Variants in AP2A1 observed in about 807,000 individuals in gnomAD.
AP2A1 encodes the protein AP-2 complex subunit alpha-1.
A neutral mutation model predicts 107.3 loss-of-function variants in AP2A1; 21 were observed. That is an observed-to-expected ratio of 0.20 (90% confidence interval 0.14 to 0.28). The LOEUF is 0.28. Ranked by LOEUF, AP2A1 falls within the 10% of genes least tolerant of loss-of-function variation. The pLI, the probability that AP2A1 is intolerant of heterozygous loss-of-function variation, is 1.00. For synonymous variants in AP2A1, 602 were observed against 564.8 expected (o/e 1.07, Z -0.93); for missense variants, 873 against 1,307.7 (o/e 0.67, Z 5.13).
rs183409025 is a variant in AP2A1 at position 49,801,510 on chromosome 19, C to A, written c.1674C>A (p.Thr558=). 1.1e-4 allele frequency: 174 copies of A among 1,613,770 alleles called. No individual in the cohort carries two copies. The African/African-American group carries it at 1.5e-3, about 14-fold the overall frequency. The change falls in exon 13 of 23, where the codon ACC becomes ACA. Residue 558 remains threonine (T), a synonymous_variant. Transcript: ENST00000354293. ...ACCTCTTCCCCGAGACCAAGGCCACCATCCAGGGCGTCCTGCGGGCCGGCT... is the reference window on the plus strand; with the variant it reads ...ACCTCTTCCCCGAGACCAAGGCCACAATCCAGGGCGTCCTGCGGGCCGGCT... ...FINLFPETKA[T]IQGVLRAGSQ... is the part of the protein sequence containing the mutation.
intron 4 of AP2A1, among the ~76,000 whole-genome samples, chr19:49,786,129 C>T (rs983311535): frequency 6.6e-6 from 1 of 151,814 alleles, no homozygotes; most frequent in Non-Finnish European, 1.5e-5. Context: ...TGCCTGTAAT[C>T]CCAGCTACTC....
chr19:49,796,012 T>C (rs2073209522), intron 7 of AP2A1: 1 of 437,112 alleles, frequency 2.3e-6, no homozygotes, highest in East Asian at 4.1e-5. Context: ...GAGGGACTGT[T>C]AACTGTGCCT....
chr19:49,799,511 G>A lies in AP2A1; in HGVS notation c.1134+16G>A, dbSNP rs1184958605. ...TGCCCTCAAGGTGTGAGCCCTTGGA[G>A]CCCACCCCGGGCCTGCCACCCCCCT... On this transcript the variant is annotated intron_variant, in intron 9 of 22. Transcript: ENST00000354293. 2 of 1,608,584 alleles carry A rather than the reference G, an allele frequency of 1.2e-6. No individual in the cohort carries two copies. Among genetic ancestry groups the A allele is most frequent in the South Asian group, 2.2e-5 (2 of 90,996 alleles).
At chr19:49,767,977 C>CG (rs1039087584) in intron 1 of AP2A1, among the ~76,000 whole-genome samples, 29 of 150,728 alleles carry the variant, frequency 1.9e-4, no homozygotes, top group African/African-American at 6.1e-4. Flanking sequence ...TGACAGGGAA[C>CG]GGGGGGCCAG....
At chr19:49,777,254 A>G (rs1472346402) in intron 1 of AP2A1, among the ~76,000 whole-genome samples, 1 of 151,894 alleles carries the variant, frequency 6.6e-6, no homozygotes, top group Non-Finnish European at 1.5e-5. Flanking sequence ...AGTAAAAATA[A>G]AGCCTATTTA....
chr19:49,801,540 G>A lies in AP2A1; in HGVS notation c.1704G>A (p.Gln568=), dbSNP rs755589972. The A allele has an allele frequency of 1.9e-6, 3 of 1,613,476 alleles. No individual in the cohort carries two copies. Among genetic ancestry groups the A allele is most frequent in the Non-Finnish European group, 2.5e-6 (3 of 1,179,810 alleles). ...AGGGCGTCCTGCGGGCCGGCTCCCA[G>A]CTGCGCAATGCTGACGTGGAGCTGC... ...TIQGVLRAGS[Q]LRNADVELQQ... Residue 568 remains glutamine (Q), a synonymous_variant, in exon 13 of 23, where the codon CAG becomes CAA. Coordinates refer to ENST00000354293, the MANE Select transcript of AP2A1 (RefSeq NM_130787.3).
intron 4 of AP2A1, among the ~76,000 whole-genome samples, chr19:49,786,961 A>G (rs2084744762): frequency 1.3e-5 from 2 of 152,180 alleles, no homozygotes; most frequent in African/African-American, 4.8e-5. Context: ...TGGCCTCAGC[A>G]GTGACTGGGG....
chr19:49,800,757 C>CATGT, intron 11 of AP2A1: 2 of 508,650 alleles, frequency 3.9e-6, no homozygotes, highest in Non-Finnish European at 7.0e-6. Context: ...AGGCATGAGC[C>CATGT]ACTGCTTCCG....
In AP2A1 at chr19:49,807,078, GTAT is replaced by G. The variant is rs761603736; in HGVS notation, c.*325_*327del. On this transcript the variant is annotated 3_prime_UTR_variant, in exon 23 of 23. Coordinates refer to ENST00000354293, the MANE Select transcript of AP2A1 (RefSeq NM_130787.3). ...TACCCCCTCCCCATCCAGGGGCTGT[GTAT>G]TATTGTGAGCGAATAAACAGAGAGA... 23 of 1,597,568 alleles carry G rather than the reference GTAT, an allele frequency of 1.4e-5. No individual in the cohort carries two copies. In the East Asian group the frequency reaches 2.3e-4, roughly 16 times the overall value.
intron 1 of AP2A1, among the ~76,000 whole-genome samples, chr19:49,770,272 C>T (rs995964635): frequency 3.9e-5 from 6 of 152,120 alleles, no homozygotes; most frequent in Non-Finnish European, 7.4e-5. Context: ...ACCCCAGAGA[C>T]GAGCCAGAGG....
At chr19:49,770,754 G>C (rs1243472827) in intron 1 of AP2A1, among the ~76,000 whole-genome samples, 1 of 152,204 alleles carries the variant, frequency 6.6e-6, no homozygotes, top group Non-Finnish European at 1.5e-5. Context: ...CATGTTGATA[G>C]AGTATCTTGA....
In AP2A1 at chr19:49,794,412, C is replaced by T. The variant is rs115864941; in HGVS notation, c.706-1218C>T. On this transcript the variant is annotated intron_variant, in intron 6 of 22. Coordinates refer to ENST00000354293, the MANE Select transcript of AP2A1 (RefSeq NM_130787.3). ...GAGATCGGTCTTGCTTTGTCGCCCA[C>T]ACTGGTCTCAAACTCCTGGCTTCAA... 4.6e-3 allele frequency among the ~76,000 whole-genome samples: 703 copies of T among 151,786 alleles called. 7 individuals carry two copies. The highest frequency in any genetic ancestry group is 0.016 in the African/African-American group (663 of 41,368).
chr19:49,791,494 T>C (rs1187053516), intron 4 of AP2A1, among the ~76,000 whole-genome samples: 1 of 152,166 alleles, frequency 6.6e-6, no homozygotes, highest in Non-Finnish European at 1.5e-5. Flanking sequence ...CCCAAAGTGC[T>C]GGGATTATAG....
chr19:49,782,444 TG>T, intron 3 of AP2A1, 86 bp from the exon 4 acceptor site: 1 of 1,393,246 alleles, frequency 7.2e-7, no homozygotes. Flanking sequence ...AGGTTGAATC[TG>T]GGGCCTGGAC....
At position 49,791,017 on chromosome 19, in the gene AP2A1, G is replaced by T. The variant is rs561417996; in HGVS notation, c.474-918G>T. ...ACTTCAGCCAACAAGGCCCTGCAGGGTCTGGCTCTCTGTTCCCTCCCTGTC... is the reference window on the plus strand; with the variant it reads ...ACTTCAGCCAACAAGGCCCTGCAGGTTCTGGCTCTCTGTTCCCTCCCTGTC... On this transcript the variant is annotated intron_variant, in intron 4 of 22. Coordinates refer to ENST00000354293, the MANE Select transcript of AP2A1 (RefSeq NM_130787.3). Among the ~76,000 whole-genome samples the T allele has an allele frequency of 4.6e-5, 7 of 152,292 alleles. No homozygotes were observed. In the East Asian group the frequency reaches 7.7e-4, roughly 17 times the overall value.
chr19:49,792,977 C>T lies in AP2A1; in HGVS notation c.604-14C>T, dbSNP rs770199377. The T allele has an allele frequency of 5.7e-6, 9 of 1,585,058 alleles. No homozygotes were observed. In the Admixed American group the frequency reaches 1.6e-4, roughly 29 times the overall value. ...CCCCCAGGGGCCTGACTTGTCTCTC[C>T]TCTGCCCCTGCAGGGTGTGGTCACG... On this transcript the variant is annotated splice_polypyrimidine_tract_variant and intron_variant, in intron 5 of 22. Transcript: ENST00000354293.
rs370215618 is a variant in AP2A1, at chr19:49,782,399, G to A, written c.280-132G>A. On this transcript the variant is annotated intron_variant, in intron 3 of 22. Coordinates refer to ENST00000354293, the MANE Select transcript of AP2A1 (RefSeq NM_130787.3). ...GGGGCCTGGACTTGTGGGTCTGAGG[G>A]AGGAGGGGCCTGGGGGCCTGGACTC... The A allele has an allele frequency of 1.5e-5, 15 of 1,016,344 alleles. No individual in the cohort carries two copies. In the African/African-American group the frequency reaches 2.5e-4, roughly 17 times the overall value. The allele number at this position is 1,016,344 out of a possible 1,614,324, so 63.0% of individuals were successfully genotyped here.
At chr19:49,802,334 C>G in intron 15 of AP2A1, 193 bp downstream of exon 15, 1 of 828,282 alleles carries the variant, frequency 1.2e-6, no homozygotes. Context: ...CTCTGCCACT[C>G]TGGACTCCGC....
Position 49,768,196 on chromosome 19 carries a change from T to C in AP2A1, c.67+996T>C, listed in dbSNP as rs562214552. Among the ~76,000 whole-genome samples the C allele has an allele frequency of 2.6e-5, 4 of 152,140 alleles. No homozygotes were observed. In the South Asian group the frequency reaches 8.3e-4, roughly 32 times the overall value. ...CCTTTTCTATTTGACCACAGTAATATGGGGACGGTGGTCCCTGCCAGGAAG... is the reference window on the plus strand; with the variant it reads ...CCTTTTCTATTTGACCACAGTAATACGGGGACGGTGGTCCCTGCCAGGAAG... On this transcript the variant is annotated intron_variant, in intron 1 of 22. Coordinates refer to ENST00000354293, the MANE Select transcript of AP2A1 (RefSeq NM_130787.3).
Sources: allele counts gnomAD v4.1 joint callset (sites outside exome capture counted in the v4.1 genomes callset), GRCh38; gene constraint gnomAD v4.1.1; transcripts MANE v1.5; gene names NCBI Gene and HGNC (gene_info 2026-07-23, HGNC 2026-07-21).